Variants in B4GALT6 observed in about 807,000 individuals in gnomAD.
B4GALT6 encodes the protein UDP-Gal:beta-GlcNAc beta-1,4-galactosyltransferase 6.
Under a neutral mutation model 46.3 loss-of-function variants are expected in B4GALT6, and 14 were observed. That is an observed-to-expected ratio of 0.30 (90% CI 0.20 to 0.47). The LOEUF is 0.47. Among genes scored for constraint, B4GALT6 ranks in the 20% least tolerant of loss-of-function variants. B4GALT6 has a pLI of 0.99. For synonymous variants in B4GALT6, 168 were observed against 162.0 expected (o/e 1.04, Z -0.28); for missense variants, 386 against 480.1 (o/e 0.80, Z 1.83).
intron 4 of B4GALT6, 118 bp downstream of exon 4, chr18:31,645,237 T>C: frequency 1.4e-6 from 2 of 1,394,070 alleles, no homozygotes; most frequent in South Asian, 1.3e-5. Context: ...GACAAAACTT[T>C]TGATGTTTTA....
chr18:31,706,245 G>A, the B4GALT6 span, among the ~76,000 whole-genome samples: 2 of 151,984 alleles, frequency 1.3e-5, no homozygotes, highest in East Asian at 3.9e-4. Flanking sequence ...AATACATACA[G>A]GCAAGAGGAG....
At chr18:31,637,188 C>T (rs1255142123) in intron 5 of B4GALT6, among the ~76,000 whole-genome samples, 1 of 152,208 alleles carries the variant, frequency 6.6e-6, no homozygotes, top group Non-Finnish European at 1.5e-5. Flanking sequence ...GTCATTTCAA[C>T]TCTATTTAAA....
rs139301171 is a variant in B4GALT6 at position 31,651,369 on chromosome 18, CT to C, written c.347-5891del. Among the ~76,000 whole-genome samples, 819 of 151,680 alleles carry C rather than the reference CT, an allele frequency of 5.4e-3. 32 individuals carry two copies. The East Asian group carries it at 0.13, about 24-fold the overall frequency. On this transcript the variant is annotated intron_variant, in intron 3 of 8. Transcript: ENST00000306851. ...AAGGTTTCAGCAAAAACAAGTGTCA[CT>C]TTTTTTTTGTATTGTGACTCCACCA...
At chr18:31,695,516 C>T in the B4GALT6 span, among the ~76,000 whole-genome samples, 4 of 151,914 alleles carry the variant, frequency 2.6e-5, no homozygotes, top group African/African-American at 9.7e-5. Context: ...CTGCCTGGAC[C>T]TCTCTGACCT....
chr18:31,674,221 G>A (rs1401473695), intron 1 of B4GALT6, among the ~76,000 whole-genome samples: 1 of 152,142 alleles, frequency 6.6e-6, no homozygotes, highest in African/African-American at 2.4e-5. Flanking sequence ...AAACTCAAAA[G>A]AAAGTTAACA....
chr18:31,643,501 G>T (rs2073955462), intron 4 of B4GALT6, among the ~76,000 whole-genome samples: 1 of 152,010 alleles, frequency 6.6e-6, no homozygotes, highest in South Asian at 2.1e-4. Context: ...GTTTCATCAT[G>T]TTGGCCAGGC....
At chr18:31,718,427 C>T in the B4GALT6 span, among the ~76,000 whole-genome samples, 7 of 152,194 alleles carry the variant, frequency 4.6e-5, no homozygotes, top group Admixed American at 6.5e-5. Flanking sequence ...ACAGTGTTGA[C>T]TTATTTCTTT....
Position 31,622,484 on chromosome 18 carries a change from C to T in B4GALT6, c.*3130G>A, listed in dbSNP as rs2073628954. The T allele has an allele frequency of 6.6e-6, 1 of 151,910 alleles. No homozygotes were observed. Among genetic ancestry groups the T allele is most frequent in the South Asian group, 2.1e-4 (1 of 4,830 alleles). The allele number at this position is 151,910 out of a possible 1,614,324, so 9.4% of individuals were successfully genotyped here. On this transcript the variant is annotated 3_prime_UTR_variant, in exon 9 of 9. Transcript: ENST00000306851. ...TACTTGCAAATACAAGACAATAAAT[C>T]TACAACAGTATGTATTTGAAAAACA...
In B4GALT6 at chr18:31,624,119, G is replaced by A. The variant is rs987117210; in HGVS notation, c.*1495C>T. Reference sequence around the variant, plus strand: ...AAATTAAGATATGTACTTGATATCAGGTAGTAAGACCTTTTTTCAGAGAAC... The same window carrying A: ...AAATTAAGATATGTACTTGATATCAAGTAGTAAGACCTTTTTTCAGAGAAC... On this transcript the variant is annotated 3_prime_UTR_variant, in exon 9 of 9. Transcript: ENST00000306851. 3 of 151,950 alleles carry A rather than the reference G, an allele frequency of 2.0e-5. No homozygotes were observed. Among genetic ancestry groups the A allele is most frequent in the African/African-American group, 7.2e-5 (3 of 41,424 alleles). 9.4% of individuals were successfully genotyped at this position (151,950 alleles called of 1,614,324 possible).
chr18:31,646,973 A>G, intron 3 of B4GALT6, among the ~76,000 whole-genome samples: 1 of 152,262 alleles, frequency 6.6e-6, no homozygotes, highest in Middle Eastern at 3.2e-3. Context: ...AGCTAATCTT[A>G]GAAAGGTCAG....
chr18:31,716,640 C>A, the B4GALT6 span, among the ~76,000 whole-genome samples: 1 of 152,104 alleles, frequency 6.6e-6, no homozygotes, highest in South Asian at 2.1e-4. Context: ...CTAGCCTGCC[C>A]CACTTGAATG....
intron 2 of B4GALT6, among the ~76,000 whole-genome samples, chr18:31,659,499 G>T (rs1050435617): frequency 2.0e-5 from 3 of 152,190 alleles, no homozygotes; most frequent in East Asian, 1.9e-4. Context: ...ACGGGCAAAG[G>T]TTCCAGGCTG....
intron 5 of B4GALT6, among the ~76,000 whole-genome samples, chr18:31,635,261 C>T (rs978199626): frequency 6.6e-6 from 1 of 150,420 alleles, no homozygotes. Context: ...AAAAAAAAAA[C>T]CAGAGACAGC....
chr18:31,686,881 G>A (rs2029940669), upstream of B4GALT6: 1 of 152,242 alleles, frequency 6.6e-6, no homozygotes, highest in South Asian at 2.1e-4. Context: ...AGTCAAAAGA[G>A]AGTTCCATAC....
At chr18:31,706,046 G>A in the B4GALT6 span, among the ~76,000 whole-genome samples, 8 of 152,242 alleles carry the variant, frequency 5.3e-5, no homozygotes, top group South Asian at 1.5e-3. Context: ...TAGACAGGTA[G>A]TTATGCTGGT....
the B4GALT6 span, among the ~76,000 whole-genome samples, chr18:31,721,310 A>G: frequency 6.6e-6 from 1 of 152,200 alleles, no homozygotes; most frequent in Non-Finnish European, 1.5e-5. Context: ...CGTTGTGCAC[A>G]TGTACCCTAG....
intron 1 of B4GALT6, among the ~76,000 whole-genome samples, chr18:31,683,825 A>T (rs770442433): frequency 1.3e-5 from 2 of 151,998 alleles, no homozygotes; most frequent in Admixed American, 6.5e-5. Context: ...GGGTCCACTG[A>T]CCCCATTCTA....
intron 1 of B4GALT6, among the ~76,000 whole-genome samples, chr18:31,666,927 C>G (rs2074289716): frequency 6.6e-6 from 1 of 152,136 alleles, no homozygotes. Context: ...AACTTTTACA[C>G]TCCCTTTCAA....
intron 1 of B4GALT6, among the ~76,000 whole-genome samples, chr18:31,667,862 C>T (rs761811308): frequency 2.2e-4 from 33 of 152,098 alleles, no homozygotes; most frequent in African/African-American, 6.5e-4. Context: ...CCTGGGAGGC[C>T]GAGGCGGTTG....
Sources: allele counts gnomAD v4.1 joint callset (sites outside exome capture counted in the v4.1 genomes callset), GRCh38; gene constraint gnomAD v4.1.1; transcripts MANE v1.5; gene names NCBI Gene and HGNC (gene_info 2026-07-23, HGNC 2026-07-21).